SOX8: variants seen among roughly 807,000 people sequenced by gnomAD.
SOX8 encodes the protein SRY-box transcription factor 8.
Under a neutral mutation model 22.9 loss-of-function variants are expected in SOX8, and 9 were observed. That is an observed-to-expected ratio of 0.39 (90% CI 0.24 to 0.69). The LOEUF is 0.69. Among genes scored for constraint, SOX8 ranks in the 30% least tolerant of loss-of-function variants. SOX8 has a pLI of 0.43. For synonymous variants in SOX8, 416 were observed against 330.6 expected (o/e 1.26, Z -2.80); for missense variants, 734 against 699.4 (o/e 1.05, Z -0.56).
Position 986,138 on chromosome 16 carries a change from T to G in SOX8, c.*752T>G, listed in dbSNP as rs1036683285. ...AAGACAAAACGGAAGCTGGGAAGCT[T>G]CCCTTGAGGGCAGGCAGGAGGTGGA... On this transcript the variant is annotated 3_prime_UTR_variant, in exon 3 of 3. Coordinates refer to ENST00000293894, the MANE Select transcript of SOX8 (RefSeq NM_014587.5). 4.6e-5 allele frequency: 7 copies of G among 152,198 alleles called. No individual in the cohort carries two copies. The highest frequency in any genetic ancestry group is 2.6e-4 in the Admixed American group (4 of 15,274). 9.4% of individuals were successfully genotyped at this position (152,198 alleles called of 1,614,324 possible).
chr16:985,968 A>G lies in SOX8; in HGVS notation c.*582A>G, dbSNP rs144263270. 189 of 153,216 alleles carry G rather than the reference A, an allele frequency of 1.2e-3. 1 individual carries two copies. The highest frequency in any genetic ancestry group is 4.3e-3 in the African/African-American group (180 of 41,608). The allele number at this position is 153,216 out of a possible 1,614,324, so 9.5% of individuals were successfully genotyped here. A position where few individuals can be genotyped will look rare whatever the true frequency, so the allele number is the denominator to read the frequency against. The stretch of plus-strand genomic sequence containing the variant: ...CACGCGAGGGCTGGCTGTGATGAAC[A>G]CATCTCTCTTTTATTTTTATGTTTT... On this transcript the variant is annotated 3_prime_UTR_variant, in exon 3 of 3. Transcript: ENST00000293894.
chr16:983,415 C>G, intron 1 of SOX8: 1 of 236,518 alleles, frequency 4.2e-6, no homozygotes, highest in Non-Finnish European at 8.1e-6. Flanking sequence ...CCCCGCCTCC[C>G]TTAGAAAGCC....
In SOX8 at chr16:982,533, G is replaced by A. The variant is rs2073407629; in HGVS notation, c.422+189G>A. The stretch of plus-strand genomic sequence containing the variant: ...ACATCCTCTGGCCAGCCGGGGTCCG[G>A]CGCCAGCTATGGGAGTCGGGATCCG... On this transcript the variant is annotated intron_variant, in intron 1 of 2. Coordinates refer to ENST00000293894, the MANE Select transcript of SOX8 (RefSeq NM_014587.5). 3 of 591,572 alleles carry A rather than the reference G, an allele frequency of 5.1e-6. No homozygotes were observed. The East Asian group carries it at 1.0e-4, about 21-fold the overall frequency. The allele number at this position is 591,572 out of a possible 1,614,324, so 36.6% of individuals were successfully genotyped here. A position where few individuals can be genotyped will look rare whatever the true frequency, so the allele number is the denominator to read the frequency against.
chr16:981,978 C>G lies in SOX8; in HGVS notation c.56C>G (p.Ala19Gly), dbSNP rs2073392873. ...CCGCCCTGCAGCCCGTCCGGCACCGCCAGCTCCATGTCGCACGTGGAGGAC... is the reference window on the plus strand; with the variant it reads ...CCGCCCTGCAGCCCGTCCGGCACCGGCAGCTCCATGTCGCACGTGGAGGAC... ...SQPPCSPSGTASSMSHVEDSD... is the reference protein window; with the variant it reads ...SQPPCSPSGTGSSMSHVEDSD... Residue 19 changes from alanine to glycine, a missense_variant, in exon 1 of 3, where the codon GCC (alanine) becomes GGC (glycine). By Grantham distance (60) the Ala-to-Gly change is moderately conservative. Transcript: ENST00000293894. The G allele has an allele frequency of 1.4e-6, 2 of 1,449,282 alleles. No individual in the cohort carries two copies. Among genetic ancestry groups the G allele is most frequent in the Admixed American group, 2.2e-5 (1 of 45,410 alleles). 89.8% of individuals were successfully genotyped at this position (1,449,282 alleles called of 1,614,324 possible). A position where few individuals can be genotyped will look rare whatever the true frequency, so the allele number is the denominator to read the frequency against.
intron 1 of SOX8, 63 bp from the exon 2 acceptor site, chr16:983,665 G>A (rs964789168): frequency 1.1e-5 from 17 of 1,481,738 alleles, no homozygotes; most frequent in Non-Finnish European, 1.4e-5. Context: ...CCCCTGTGGT[G>A]TGTGCCTGCG....
chr16:985,292 C>G lies in SOX8; in HGVS notation c.1247C>G (p.Ala416Gly). Residue 416 changes from alanine (A) to glycine (G), a missense_variant, in exon 3 of 3, where the codon GCC (alanine) becomes GGC (glycine). Transcript: ENST00000293894. ...TTCCACTCGCCGCGCCGGCCCTACG[C>G]CTCACCCCTGCTCAACGGCCTGGCC... ...PCFHSPRRPYASPLLNGLALP... is the reference protein window; with the variant it reads ...PCFHSPRRPYGSPLLNGLALP... 1.9e-6 allele frequency: 3 copies of G among 1,610,596 alleles called. No individual in the cohort carries two copies. The highest frequency in any genetic ancestry group is 2.5e-6 in the Non-Finnish European group (3 of 1,179,552).
rs2073402772 is a variant in SOX8 at position 982,363 on chromosome 16, G to C, written c.422+19G>C. The C allele has an allele frequency of 3.0e-6, 4 of 1,337,084 alleles. No individual in the cohort carries two copies. The highest frequency in any genetic ancestry group is 3.8e-6 in the Non-Finnish European group (4 of 1,040,052). The allele number at this position is 1,337,084 out of a possible 1,614,324, so 82.8% of individuals were successfully genotyped here. On this transcript the variant is annotated intron_variant, in intron 1 of 2. Coordinates refer to ENST00000293894, the MANE Select transcript of SOX8 (RefSeq NM_014587.5). ...TGTGGCGGTGAGTGCCGGCGCCCCG[G>C]GGGCGGGGTTCGGGACCTTGGCCGC...
chr16:986,401 G>A lies in SOX8; in HGVS notation c.*1015G>A, dbSNP rs961467381. 2 of 152,306 alleles carry A rather than the reference G, an allele frequency of 1.3e-5. No individual in the cohort carries two copies. Among genetic ancestry groups the A allele is most frequent in the African/African-American group, 4.8e-5 (2 of 41,458 alleles). 9.4% of individuals were successfully genotyped at this position (152,306 alleles called of 1,614,324 possible). On this transcript the variant is annotated 3_prime_UTR_variant, in exon 3 of 3. Transcript: ENST00000293894. ...GAAGCAGGACTCCGTCCCTGTCCCC[G>A]ACTGTGCCACGTGGTAGGACACATA...
At chr16:983,515 A>G (rs566856416) in intron 1 of SOX8, 9 of 468,152 alleles carry the variant, frequency 1.9e-5, no homozygotes, top group African/African-American at 1.2e-4. Flanking sequence ...GGCTGTCGTA[A>G]GCATACCAAC....
chr16:984,825 C>T lies in SOX8; in HGVS notation c.780C>T (p.Asp260=), dbSNP rs376831611. Residue 260 remains aspartate, a synonymous_variant, in exon 3 of 3, where the codon GAC becomes GAT. Transcript: ENST00000293894. ...TGGACAGCGGGCGCCAGAACATCGA[C>T]TTCAGCAACGTGGACATCTCGGAGC... ...RPVDSGRQNI[D]FSNVDISELS... 1 of 1,612,296 alleles carries T rather than the reference C, an allele frequency of 6.2e-7. No individual in the cohort carries two copies. Among genetic ancestry groups the T allele is most frequent in the South Asian group, 1.1e-5 (1 of 91,058 alleles).
chr16:985,423 G>GTTA lies in SOX8; in HGVS notation c.*37_*38insTTA. ...CGGGGAGGGACTCGCAGGCGTCAGG[G>GTTA]GGCAGCCTTGTCCCGGCCCAGTGTG... On this transcript the variant is annotated 3_prime_UTR_variant, in exon 3 of 3. Transcript: ENST00000293894. 2.1e-6 allele frequency: 3 copies of GTTA among 1,460,928 alleles called. No individual in the cohort carries two copies. The highest frequency in any genetic ancestry group is 2.7e-6 in the Non-Finnish European group (3 of 1,097,952). The allele number at this position is 1,460,928 out of a possible 1,614,324, so 90.5% of individuals were successfully genotyped here.
rs112081163 is a variant in SOX8 at position 985,245 on chromosome 16, C to T, written c.1200C>T (p.Pro400=). Residue 400 remains proline, a synonymous_variant, in exon 3 of 3, where the codon CCC becomes CCT. Transcript: ENST00000293894. ...SYYGAYPGYA[P]GLYQYPCFHS... ...ATGGTGCCTACCCTGGCTACGCACCCGGCCTCTACCAGTACCCCTGCTTCC... is the reference window on the plus strand; with the variant it reads ...ATGGTGCCTACCCTGGCTACGCACCTGGCCTCTACCAGTACCCCTGCTTCC... The T allele has an allele frequency of 0.018, 28,819 of 1,612,138 alleles. 296 individuals carry two copies. The highest frequency in any genetic ancestry group is 0.022 in the Non-Finnish European group (25,919 of 1,179,620).
In SOX8 at chr16:985,076, G is replaced by A; in HGVS notation, c.1031G>A (p.Ser344Asn). ...CCGCACATCAAGACGGAGCAGCCGA[G>A]CCCCGGCCACTACGGCGACCAGCCC... ...PRPHIKTEQP[S>N]PGHYGDQPRG... The change falls in exon 3 of 3, where the codon AGC becomes AAC. Residue 344 changes from serine to asparagine, a missense_variant. Coordinates refer to ENST00000293894, the MANE Select transcript of SOX8 (RefSeq NM_014587.5). The A allele has an allele frequency of 6.3e-7, 1 of 1,586,410 alleles. No individual in the cohort carries two copies. The highest frequency in any genetic ancestry group is 1.7e-5 in the Admixed American group (1 of 58,508).
chr16:985,946 G>A lies in SOX8; in HGVS notation c.*560G>A, dbSNP rs911370475. 23 of 154,058 alleles carry A rather than the reference G, an allele frequency of 1.5e-4. No individual in the cohort carries two copies. The highest frequency in any genetic ancestry group is 4.3e-4 in the African/African-American group (18 of 41,640). The allele number at this position is 154,058 out of a possible 1,614,324, so 9.5% of individuals were successfully genotyped here. On this transcript the variant is annotated 3_prime_UTR_variant, in exon 3 of 3. Transcript: ENST00000293894. ...CTCCTTGCTGGCAGAGTGCGCTCAC[G>A]CGAGGGCTGGCTGTGATGAACACAT...
At chr16:983,990 G>A (rs1157744032) in intron 2 of SOX8, 30 bp downstream of exon 2, 3 of 1,469,734 alleles carry the variant, frequency 2.0e-6, no homozygotes, top group East Asian at 2.5e-5. Flanking sequence ...CATATCTGAG[G>A]GTCCCTGTAT....
At position 985,017 on chromosome 16, in the gene SOX8, C is replaced by A. The variant is rs2073443835; in HGVS notation, c.972C>A (p.Ala324=). Residue 324 remains alanine (A), a synonymous_variant, in exon 3 of 3, where the codon GCC becomes GCA. Transcript: ENST00000293894. The stretch of plus-strand genomic sequence containing the variant: ...GGGCCCACAAGAGTGCCCCGTCGGC[C>A]TCCGCGTCGCCCACCGAGACGGGTC... ...PVWAHKSAPS[A]SASPTETGPP... 1.3e-5 allele frequency: 20 copies of A among 1,492,608 alleles called. No individual in the cohort carries two copies. Among genetic ancestry groups the A allele is most frequent in the Non-Finnish European group, 1.8e-5 (20 of 1,129,320 alleles). The allele number at this position is 1,492,608 out of a possible 1,614,324, so 92.5% of individuals were successfully genotyped here.
chr16:981,795 C>T lies in SOX8; in HGVS notation c.-128C>T, dbSNP rs1800212215. The T allele has an allele frequency of 5.6e-6, 2 of 355,054 alleles. No homozygotes were observed. Among genetic ancestry groups the T allele is most frequent in the Non-Finnish European group, 7.9e-6 (2 of 252,420 alleles). The allele number at this position is 355,054 out of a possible 1,614,324, so 22.0% of individuals were successfully genotyped here. ...GGGACCCGAGCCTCGGCGGCGGCGG[C>T]GGCGGCGGCAGGGGCGAGGGTCGGG... is the stretch of plus-strand genomic sequence containing the variant. On this transcript the variant is annotated 5_prime_UTR_variant, in exon 1 of 3. Transcript: ENST00000293894.
Position 986,529 on chromosome 16 carries a change from C to T in SOX8, c.*1143C>T, listed in dbSNP as rs565396751. Reference sequence around the variant, plus strand: ...GGTGGCTTCAGAAGTGATCTTGGCTCGCAGGCACCAGTGCCACCTACCAAG... The same window carrying T: ...GGTGGCTTCAGAAGTGATCTTGGCTTGCAGGCACCAGTGCCACCTACCAAG... On this transcript the variant is annotated 3_prime_UTR_variant, in exon 3 of 3. Coordinates refer to ENST00000293894, the MANE Select transcript of SOX8 (RefSeq NM_014587.5). The T allele has an allele frequency of 1.5e-4, 23 of 152,494 alleles. No homozygotes were observed. In the East Asian group the frequency reaches 4.0e-3, roughly 27 times the overall value. The allele number at this position is 152,494 out of a possible 1,614,324, so 9.4% of individuals were successfully genotyped here. A position where few individuals can be genotyped will look rare whatever the true frequency, so the allele number is the denominator to read the frequency against.
rs1227633087 is a variant in SOX8 at position 985,595 on chromosome 16, T to A, written c.*209T>A. ...GACCAGCTCCCTCTCCCTTCTATCT[T>A]TCTTTTTGAGGTGGTGGGATTATTC... On this transcript the variant is annotated 3_prime_UTR_variant, in exon 3 of 3. Transcript: ENST00000293894. The A allele has an allele frequency of 1.9e-6, 1 of 518,078 alleles. No individual in the cohort carries two copies. The highest frequency in any genetic ancestry group is 2.0e-5 in the African/African-American group (1 of 50,152). 32.1% of individuals were successfully genotyped at this position (518,078 alleles called of 1,614,324 possible).
Sources: allele counts gnomAD v4.1 joint callset, GRCh38; gene constraint gnomAD v4.1.1; transcripts MANE v1.5; gene names NCBI Gene and HGNC (gene_info 2026-07-23, HGNC 2026-07-21).